Variants in DNA2 observed in about 807,000 individuals in gnomAD.
DNA2 encodes DNA replication helicase/nuclease 2.
DNA2 carries 101 observed loss-of-function variants against 119.1 expected under a neutral mutation model. The observed-to-expected ratio is 0.85, with a 90% CI of 0.72 to 1.00. DNA2 has a LOEUF of 1.00. DNA2 is among the 50% of genes least tolerant of loss of function. DNA2 has a pLI of 0.00. For synonymous variants in DNA2, 366 were observed against 424.4 expected (o/e 0.86, Z 1.69); for missense variants, 1,121 against 1,255.5 (o/e 0.89, Z 1.62).
intron 14 of DNA2, among the ~76,000 whole-genome samples, chr10:68,423,288 A>T (rs1460290914): frequency 3.7e-5 from 4 of 107,302 alleles, no homozygotes; most frequent in East Asian, 2.6e-4. Flanking sequence ...ATTATATATA[A>T]AAAAAAAAAA....
chr10:68,455,182 C>T (rs10998187), intron 5 of DNA2, among the ~76,000 whole-genome samples: 8,463 of 151,966 alleles, frequency 0.056, 558 homozygotes, highest in African/African-American at 0.16. Context: ...TCATGATCTG[C>T]CCACCTCAGC....
chr10:68,414,427 AAAG>A lies in DNA2; in HGVS notation c.*609_*611del, dbSNP rs1482459392. ...AATTCAGAAAACAAAATTTGTTGCA[AAAG>A]ATGATGTAAGAATTATTTTCTTTTA... On this transcript the variant is annotated 3_prime_UTR_variant, in exon 21 of 21. Transcript: ENST00000358410. The A allele has an allele frequency of 1.3e-5, 2 of 152,172 alleles. No individual in the cohort carries two copies. Among genetic ancestry groups the A allele is most frequent in the Non-Finnish European group, 2.9e-5 (2 of 68,028 alleles). 9.4% of individuals were successfully genotyped at this position (152,172 alleles called of 1,614,324 possible). A position where few individuals can be genotyped will look rare whatever the true frequency, so the allele number is the denominator to read the frequency against.
At chr10:68,455,802 C>A (rs923676408) in intron 5 of DNA2, among the ~76,000 whole-genome samples, 1 of 151,712 alleles carries the variant, frequency 6.6e-6, no homozygotes. Context: ...GCCTGAGCGA[C>A]AGAGCGAGAC....
intron 14 of DNA2, among the ~76,000 whole-genome samples, chr10:68,427,387 C>T (rs2051756287): frequency 6.6e-6 from 1 of 151,514 alleles, no homozygotes; most frequent in Non-Finnish European, 1.5e-5. Flanking sequence ...TGGCTGGATG[C>T]AGTGGCTCAC....
chr10:68,466,443 A>C (rs1164043166), intron 3 of DNA2, among the ~76,000 whole-genome samples: 1 of 152,128 alleles, frequency 6.6e-6, no homozygotes, highest in African/African-American at 2.4e-5. Context: ...CAAACATAAA[A>C]TGTAAACCTA....
At chr10:68,444,863 C>T (rs1288218511) in intron 8 of DNA2, 58 bp downstream of exon 8, 15 of 1,328,776 alleles carry the variant, frequency 1.1e-5, no homozygotes, top group Non-Finnish European at 1.6e-5. Context: ...CAGTGTTAAA[C>T]GTATTTAGTT....
At chr10:68,447,914 G>A (rs1340908895) in intron 6 of DNA2, among the ~76,000 whole-genome samples, 1 of 151,190 alleles carries the variant, frequency 6.6e-6, no homozygotes, top group Non-Finnish European at 1.5e-5. Flanking sequence ...AACCCAGGAG[G>A]CAGAGCTTGC....
intron 9 of DNA2, among the ~76,000 whole-genome samples, chr10:68,441,024 G>A (rs1331151809): frequency 6.6e-6 from 1 of 151,780 alleles, no homozygotes; most frequent in Non-Finnish European, 1.5e-5. Flanking sequence ...CTATAATCAC[G>A]TAAAATAAAA....
At chr10:68,445,487 T>A (rs953623394) in intron 7 of DNA2, among the ~76,000 whole-genome samples, 2 of 151,746 alleles carry the variant, frequency 1.3e-5, no homozygotes, top group Non-Finnish European at 2.9e-5. Flanking sequence ...AATAAATAAA[T>A]AAAATAAAAA....
chr10:68,415,420 G>A (rs2051576004), intron 20 of DNA2, among the ~76,000 whole-genome samples: 1 of 151,898 alleles, frequency 6.6e-6, no homozygotes, highest in Non-Finnish European at 1.5e-5. Context: ...GGGATTACAG[G>A]CATGTGCCAC....
intron 8 of DNA2, among the ~76,000 whole-genome samples, chr10:68,444,187 C>T (rs891838798): frequency 1.3e-5 from 2 of 151,688 alleles, no homozygotes; most frequent in Non-Finnish European, 2.9e-5. Flanking sequence ...GTCAAGAGAT[C>T]GAGACCATCC....
intron 7 of DNA2, among the ~76,000 whole-genome samples, chr10:68,445,886 A>G (rs1178865816): frequency 2.6e-5 from 4 of 152,154 alleles, no homozygotes; most frequent in Admixed American, 2.6e-4. Context: ...CAGCACTTTC[A>G]GAGACCAAGG....
chr10:68,466,066 G>T (rs2133445612), intron 3 of DNA2, among the ~76,000 whole-genome samples: 1 of 151,696 alleles, frequency 6.6e-6, no homozygotes, highest in South Asian at 2.1e-4. Flanking sequence ...TGTCACCCAG[G>T]CTGGAGCACA....
intron 14 of DNA2, chr10:68,424,609 G>T: frequency 7.0e-7 from 1 of 1,425,572 alleles, no homozygotes; most frequent in South Asian, 1.1e-5. Context: ...AACCGCAAAC[G>T]TCACTTCCAT....
At chr10:68,429,882 A>ATTTTTT (rs142420844) in intron 14 of DNA2, among the ~76,000 whole-genome samples, 1 of 123,648 alleles carries the variant, frequency 8.1e-6, no homozygotes, top group African/African-American at 3.2e-5. Context: ...AAAAACCCGG[A>ATTTTTT]TTTTTTTTTT....
At chr10:68,447,981 CAA>C (rs11383213) in intron 6 of DNA2, among the ~76,000 whole-genome samples, 1 of 140,956 alleles carries the variant, frequency 7.1e-6, no homozygotes, top group African/African-American at 2.6e-5. Context: ...GACTCCGTCT[CAA>C]AAAAAAAAAA....
intron 6 of DNA2, 75 bp from the exon 7 acceptor site, chr10:68,446,488 C>T (rs549355557): frequency 5.5e-6 from 5 of 917,132 alleles, no homozygotes; most frequent in South Asian, 1.6e-5. Flanking sequence ...GCAACCAACA[C>T]ATAATTTTAA....
chr10:68,459,255 A>AAATAGACTTAGACTT lies in DNA2; in HGVS notation c.588-35_588-21dup. 1.3e-6 allele frequency: 2 copies of AAATAGACTTAGACTT among 1,525,854 alleles called. No individual in the cohort carries two copies. Among genetic ancestry groups the AAATAGACTTAGACTT allele is most frequent in the Non-Finnish European group, 1.8e-6 (2 of 1,138,050 alleles). 94.5% of individuals were successfully genotyped at this position (1,525,854 alleles called of 1,614,324 possible). ...CGGTACCTGCCAAAAATATAATAGT[A>AAATAGACTTAGACTT]AATAGACTTAGACTTAAGCGGTACC... On this transcript the variant is annotated intron_variant, in intron 4 of 20. Coordinates refer to ENST00000358410, the MANE Select transcript of DNA2 (RefSeq NM_001080449.3).
chr10:68,448,940 TG>T (rs2052077218), intron 6 of DNA2, among the ~76,000 whole-genome samples: 1 of 129,968 alleles, frequency 7.7e-6, no homozygotes, highest in African/African-American at 3.0e-5. Context: ...CAGGTGTGTG[TG>T]TGTGTGTGTG....
Sources: allele counts gnomAD v4.1 joint callset (sites outside exome capture counted in the v4.1 genomes callset), GRCh38; gene constraint gnomAD v4.1.1; transcripts MANE v1.5; gene names NCBI Gene and HGNC (gene_info 2026-07-23, HGNC 2026-07-21).